Variants in TRPC3 observed in about 807,000 individuals in gnomAD.
The protein encoded by TRPC3 is transient receptor potential cation channel subfamily C member 3, also known as short transient receptor potential channel 3.
In TRPC3, 54 loss-of-function variants were observed where a neutral mutation model predicts 90.9. That is an observed-to-expected ratio of 0.59 (90% CI 0.48 to 0.75). The LOEUF is 0.75. Among genes scored for constraint, TRPC3 ranks in the 30% least tolerant of loss-of-function variants. The pLI is 0.00. For missense variants in TRPC3, 918 were observed against 1,194.5 expected, an observed-to-expected ratio of 0.77 and a Z score of 3.41; for synonymous variants, 424 against 450.9, an observed-to-expected ratio of 0.94 and a Z score of 0.75.
intron 4 of TRPC3, 55 bp from the exon 5 acceptor site, chr4:121,912,148 G>A: frequency 6.6e-7 from 1 of 1,516,116 alleles, no homozygotes; most frequent in Non-Finnish European, 9.0e-7. Flanking sequence ...TTTCACTTGT[G>A]GAGATTACAA....
At chr4:121,904,182 A>C (rs1407932698) in intron 8 of TRPC3, 140 bp downstream of exon 8, 1 of 679,616 alleles carries the variant, frequency 1.5e-6, no homozygotes, top group Non-Finnish European at 2.3e-6. Flanking sequence ...GGTAGAAAAC[A>C]CAGGGAAAGG....
chr4:121,941,771 G>T (rs1327095327), intron 1 of TRPC3, among the ~76,000 whole-genome samples: 1 of 152,146 alleles, frequency 6.6e-6, no homozygotes, highest in Non-Finnish European at 1.5e-5. Flanking sequence ...GACAGAATCT[G>T]ACAGTCTTAA....
chr4:121,897,467 A>C (rs1578609323), intron 10 of TRPC3, among the ~76,000 whole-genome samples: 1 of 56,742 alleles, frequency 1.8e-5, no homozygotes, highest in African/African-American at 8.1e-5. Flanking sequence ...AAAAAAAAAA[A>C]AAAAAAAAAA....
In TRPC3 at chr4:121,951,404, T is replaced by TTCCCGCCCCCCGCCCGGCGCGCGCCG; in HGVS notation, c.215+61_215+62insCGGCGCGCGCCGGGCGGGGGGCGGGA. The TTCCCGCCCCCCGCCCGGCGCGCGCCG allele has an allele frequency of 2.7e-6, 3 of 1,096,326 alleles. No individual in the cohort carries two copies. The highest frequency in any genetic ancestry group is 3.4e-6 in the Non-Finnish European group (3 of 891,728). 67.9% of individuals were successfully genotyped at this position (1,096,326 alleles called of 1,614,324 possible). The stretch of plus-strand genomic sequence containing the variant: ...GACGTGGAGCCGCCCGGCGCGCGCC[T>TTCCCGCCCCCCGCCCGGCGCGCGCCG]TCCCGCCCCCCGCCCGGCACCGCCC... On this transcript the variant is annotated intron_variant, in intron 1 of 11. Transcript: ENST00000379645. The surrounding 1 kb of genome is among the most constrained non-coding windows in gnomAD (Gnocchi z 4.4).
intron 3 of TRPC3, among the ~76,000 whole-genome samples, chr4:121,921,578 C>T (rs944863122): frequency 3.4e-5 from 5 of 146,212 alleles, no homozygotes; most frequent in Non-Finnish European, 6.0e-5. Context: ...CCAATATTGG[C>T]TTACAATTAG....
intron 3 of TRPC3, among the ~76,000 whole-genome samples, chr4:121,916,062 C>T (rs986623486): frequency 6.6e-6 from 1 of 152,156 alleles, no homozygotes; most frequent in African/African-American, 2.4e-5. Flanking sequence ...AACAGAGTAG[C>T]TGCAGTTCCT....
At chr4:121,915,177 G>T (rs2292232) in intron 3 of TRPC3, among the ~76,000 whole-genome samples, 43,086 of 152,042 alleles carry the variant, frequency 0.28, 6,475 homozygotes, top group East Asian at 0.4. Context: ...AAAATTGGTG[G>T]TGTCCTTAAT....
At chr4:121,907,222 C>G in intron 7 of TRPC3, 81 bp downstream of exon 7, 1 of 1,301,652 alleles carries the variant, frequency 7.7e-7, no homozygotes. Flanking sequence ...TTATTACAAT[C>G]AGAGAAATTT....
intron 5 of TRPC3, among the ~76,000 whole-genome samples, chr4:121,911,447 A>G (rs1221789820): frequency 1.3e-5 from 2 of 152,220 alleles, no homozygotes; most frequent in African/African-American, 4.8e-5. Context: ...TTATTTTTGT[A>G]CCCAACCTAA....
In TRPC3 at chr4:121,931,789, G is replaced by A. The variant is rs80060796; in HGVS notation, c.987+482C>T. 8.2e-3 allele frequency among the ~76,000 whole-genome samples: 1,241 copies of A among 152,226 alleles called. 21 individuals are homozygous for A. The highest frequency in any genetic ancestry group is 0.028 in the African/African-American group (1,167 of 41,522). ...CAGTGCATCCAAAACTAACACTATC[G>A]TGGAGATGGAATAGGAGCTTGCTCT... On this transcript the variant is annotated intron_variant, in intron 2 of 11. Transcript: ENST00000379645.
At position 121,875,889 on chromosome 4, in the gene TRPC3, ATTTTTTTTTTTTT is replaced by A. The variant is rs1163932789; in HGVS notation, c.*3834_*3846del. Among the ~76,000 whole-genome samples, 1 of 75,094 alleles carries A rather than the reference ATTTTTTTTTTTTT, an allele frequency of 1.3e-5. No individual in the cohort carries two copies. Among genetic ancestry groups the A allele is most frequent in the Admixed American group, 2.2e-4 (1 of 4,564 alleles). The allele number at this position is 75,094 out of a possible 152,430, so 49.3% of individuals were successfully genotyped here. Reference sequence around the variant, plus strand: ...ACAAAGTTATAAATACCCATTTTAGATTTTTTTTTTTTTTTTTTTTTTTTTTTGTGGGGGGTGG... The same window carrying A: ...ACAAAGTTATAAATACCCATTTTAGATTTTTTTTTTTTTTGTGGGGGGTGG... On this transcript the variant is annotated 3_prime_UTR_variant, in exon 12 of 12. Coordinates refer to ENST00000379645, the MANE Select transcript of TRPC3 (RefSeq NM_001130698.2).
intron 2 of TRPC3, among the ~76,000 whole-genome samples, chr4:121,929,453 G>A (rs757319926): frequency 1.1e-4 from 17 of 152,120 alleles, no homozygotes; most frequent in South Asian, 2.1e-4. Context: ...TTCAGTTTGC[G>A]TCCTCACAGC....
At chr4:121,930,306 G>T (rs895321961) in intron 2 of TRPC3, among the ~76,000 whole-genome samples, 35 of 152,240 alleles carry the variant, frequency 2.3e-4, no homozygotes, top group Non-Finnish European at 4.1e-4. Context: ...AGATTTAGAT[G>T]ATTTTTGCTT....
At chr4:121,930,524 C>T (rs572855159) in intron 2 of TRPC3, among the ~76,000 whole-genome samples, 1 of 152,162 alleles carries the variant, frequency 6.6e-6, no homozygotes, top group East Asian at 1.9e-4. Flanking sequence ...ATTCTCTTAC[C>T]ATGGTTGCAC....
At chr4:121,942,173 TA>T (rs1730341714) in intron 1 of TRPC3, among the ~76,000 whole-genome samples, 1 of 152,302 alleles carries the variant, frequency 6.6e-6, no homozygotes, top group Non-Finnish European at 1.5e-5. Context: ...TTCCAGCACT[TA>T]TAAGCCCAGA....
At chr4:121,920,146 A>G (rs1319119957) in intron 3 of TRPC3, among the ~76,000 whole-genome samples, 3 of 152,210 alleles carry the variant, frequency 2.0e-5, no homozygotes, top group African/African-American at 7.2e-5. Context: ...TTCTCTTTTC[A>G]AAGAATAATA....
At chr4:121,883,476 G>A (rs977276373) in intron 10 of TRPC3, among the ~76,000 whole-genome samples, 8 of 151,982 alleles carry the variant, frequency 5.3e-5, no homozygotes, top group African/African-American at 1.9e-4. Context: ...ATGGGCAAAA[G>A]ACAAACAAAT....
intron 3 of TRPC3, among the ~76,000 whole-genome samples, chr4:121,915,608 T>C (rs2149128659): frequency 6.6e-6 from 1 of 152,296 alleles, no homozygotes; most frequent in East Asian, 1.9e-4. Flanking sequence ...CAAAAGAACA[T>C]GACTATTTAT....
At chr4:121,940,032 G>A (rs1022502131) in intron 1 of TRPC3, among the ~76,000 whole-genome samples, 2 of 152,132 alleles carry the variant, frequency 1.3e-5, no homozygotes, top group South Asian at 2.1e-4. Context: ...AGATAAAAGA[G>A]GTCAGCCTCC....
Sources: allele counts gnomAD v4.1 joint callset (sites outside exome capture counted in the v4.1 genomes callset), GRCh38; gene constraint gnomAD v4.1.1; non-coding constraint Gnocchi (gnomAD v3.1); transcripts MANE v1.5; gene names NCBI Gene and HGNC (gene_info 2026-07-23, HGNC 2026-07-21).